Variants in NOS1 observed in about 807,000 individuals in gnomAD.
NOS1 encodes the protein NOS type I.
Under a neutral mutation model 164.5 loss-of-function variants are expected in NOS1, and 51 were observed. That is an observed-to-expected ratio of 0.31 (90% CI 0.25 to 0.39). The LOEUF (loss-of-function observed/expected upper bound fraction) is 0.39, where lower values mean the gene tolerates loss of function less well. NOS1 is among the 10% of genes least tolerant of loss of function. NOS1 has a pLI of 1.00. For missense variants in NOS1, 1,362 were observed against 1,885.6 expected, an observed-to-expected ratio of 0.72 and a Z score of 5.14; for synonymous variants, 719 against 745.8, an observed-to-expected ratio of 0.96 and a Z score of 0.59.
chr12:117,224,210 A>G (rs2135930033), intron 25 of NOS1, among the ~76,000 whole-genome samples: 1 of 152,266 alleles, frequency 6.6e-6, no homozygotes, highest in East Asian at 1.9e-4. Context: ...TGTCTTGTTC[A>G]CTGCTATGCC....
Position 117,232,101 on chromosome 12 carries a change from C to G in NOS1, c.3266G>C (p.Arg1089Pro). The change falls in exon 22 of 29, where the codon CGC becomes CCC. Residue 1089 changes from arginine to proline, a missense_variant. Around this residue, in one of 4 missense-constraint regions of NOS1, gnomAD observed 737 missense variants for 1,030.3 expected, o/e 0.72. Transcript: ENST00000317775. Reference protein sequence around the residue: ...GVISNWTDELRLPPCTIFQAF... With the variant: ...GVISNWTDELPLPPCTIFQAF... ...CTGGAAGATGGTGCAGGGCGGGAGG[C>G]GGAGCTCGTCTGTCCAGTTACTGAT... 1 of 1,611,954 alleles carries G rather than the reference C, an allele frequency of 6.2e-7. No homozygotes were observed. The highest frequency in any genetic ancestry group is 8.5e-7 in the Non-Finnish European group (1 of 1,179,888).
chr12:117,317,469 CT>C (rs1465786793), intron 2 of NOS1, among the ~76,000 whole-genome samples: 11 of 148,946 alleles, frequency 7.4e-5, no homozygotes, highest in African/African-American at 1.7e-4. Flanking sequence ...AGTAGCACCC[CT>C]ATCCCCAAAA....
chr12:117,268,151 G>C lies in NOS1; in HGVS notation c.1840-7C>G, dbSNP rs762295275. 6.3e-7 allele frequency: 1 copy of C among 1,597,922 alleles called. No individual in the cohort carries two copies. Among genetic ancestry groups the C allele is most frequent in the Admixed American group, 1.7e-5 (1 of 59,996 alleles). Reference sequence around the variant, plus strand: ...TCATCTTCTTGGCCACTTCCTGAAAGAGGAAGGAAACACAGATATACAGGC... The same window carrying C: ...TCATCTTCTTGGCCACTTCCTGAAACAGGAAGGAAACACAGATATACAGGC... On this transcript the variant is annotated splice_polypyrimidine_tract_variant and splice_region_variant and intron_variant, in intron 10 of 28. Transcript: ENST00000317775.
chr12:117,241,680 G>A (rs1212030004), intron 20 of NOS1, among the ~76,000 whole-genome samples: 1 of 152,200 alleles, frequency 6.6e-6, no homozygotes, highest in East Asian at 1.9e-4. Context: ...AGAGAGATGA[G>A]CAGACCTGGT....
At chr12:117,266,678 C>T (rs369163408) in intron 11 of NOS1, among the ~76,000 whole-genome samples, 2 of 151,994 alleles carry the variant, frequency 1.3e-5, no homozygotes. Context: ...GCTGGGATTA[C>T]AGGCACATGC....
At chr12:117,267,651 A>AT (rs1292428683) in intron 11 of NOS1, among the ~76,000 whole-genome samples, 6 of 151,660 alleles carry the variant, frequency 4.0e-5, no homozygotes, top group African/African-American at 1.5e-4. Context: ...CTATAATGCC[A>AT]TTTAGCACAG....
rs1021236441 is a variant in NOS1 at position 117,212,446 on chromosome 12, C to T, written c.*2863G>A. ...CACTCCAGGGAAACCAAAAGAAGCCCTCTCTCCTCCCAAGGAGTTTAACAT... is the reference window on the plus strand; with the variant it reads ...CACTCCAGGGAAACCAAAAGAAGCCTTCTCTCCTCCCAAGGAGTTTAACAT... On this transcript the variant is annotated 3_prime_UTR_variant, in exon 29 of 29. Transcript: ENST00000317775. The T allele has an allele frequency of 1.0e-6, 1 of 985,284 alleles. No homozygotes were observed. The highest frequency in any genetic ancestry group is 1.7e-5 in the African/African-American group (1 of 57,202). 61.0% of individuals were successfully genotyped at this position (985,284 alleles called of 1,614,324 possible).
rs1310057592 is a variant in NOS1 at position 117,339,356 on chromosome 12, G to A, written c.-420-7867C>T. On this transcript the variant is annotated intron_variant, in intron 1 of 28. Coordinates refer to ENST00000317775, the MANE Select transcript of NOS1 (RefSeq NM_000620.5). ...AGGCTCAGCTTAGAGTTACAAGCAC[G>A]AGCATTAATGATTGTTTAAAATGTG... Among the ~76,000 whole-genome samples the A allele has an allele frequency of 3.3e-5, 5 of 152,190 alleles. No homozygotes were observed. The East Asian group carries it at 5.8e-4, about 18-fold the overall frequency.
chr12:117,315,119 T>C (rs1249243287), intron 2 of NOS1, among the ~76,000 whole-genome samples: 1 of 152,232 alleles, frequency 6.6e-6, no homozygotes, highest in Non-Finnish European at 1.5e-5. Flanking sequence ...AAAAAATCCA[T>C]TAAGACTTTG....
chr12:117,258,363 G>A (rs762140941), intron 16 of NOS1, 34 bp downstream of exon 16: 10 of 1,608,850 alleles, frequency 6.2e-6, no homozygotes, highest in Non-Finnish European at 8.5e-6. Flanking sequence ...ACCCTCGGGG[G>A]TGGCGGGTGA....
At chr12:117,326,953 C>A (rs1875283571) in intron 2 of NOS1, among the ~76,000 whole-genome samples, 1 of 152,118 alleles carries the variant, frequency 6.6e-6, no homozygotes, top group South Asian at 2.1e-4. Flanking sequence ...GGGGAAGGAC[C>A]CAGCTCCCAG....
rs540512641 is a variant in NOS1, at chr12:117,211,859, A to G, written c.*3450T>C. ...GTGCGTGGATCATTTGAGGTCAGGA[A>G]TTCAAGACCAGCCTGGCCAACATGG... On this transcript the variant is annotated 3_prime_UTR_variant, in exon 29 of 29. Coordinates refer to ENST00000317775, the MANE Select transcript of NOS1 (RefSeq NM_000620.5). 5.3e-4 allele frequency: 490 copies of G among 924,486 alleles called. 2 individuals carry two copies. In the African/African-American group the frequency reaches 7.8e-3, roughly 15 times the overall value. The allele number at this position is 924,486 out of a possible 1,614,324, so 57.3% of individuals were successfully genotyped here.
chr12:117,322,755 T>TTCCC (rs56894504), intron 2 of NOS1, among the ~76,000 whole-genome samples: 37,588 of 102,590 alleles, frequency 0.37, 7,768 homozygotes, highest in African/African-American at 0.45. Context: ...CCCCACTTCC[T>TTCCC]TCCCTCCTTC....
intron 23 of NOS1, among the ~76,000 whole-genome samples, chr12:117,227,020 C>T (rs2293048): frequency 0.24 from 35,896 of 151,978 alleles, 6,265 homozygotes; most frequent in African/African-American, 0.47. Context: ...AAGGGTGCTT[C>T]TGGTGGCTTG....
chr12:117,335,729 T>TGAGTGAGAGAGAGAGAGAGA (rs1875775864), intron 1 of NOS1, among the ~76,000 whole-genome samples: 1 of 112,540 alleles, frequency 8.9e-6, no homozygotes, highest in Non-Finnish European at 1.8e-5. Flanking sequence ...ACAGACTATA[T>TGAGTGAGAGAGAGAGAGAGA]GAGAGAGAGA....
intron 2 of NOS1, among the ~76,000 whole-genome samples, chr12:117,319,722 T>G (rs1192626695): frequency 6.6e-6 from 1 of 152,196 alleles, no homozygotes; most frequent in Non-Finnish European, 1.5e-5. Flanking sequence ...GGGAAAACTG[T>G]GTGTGGTCCT....
Position 117,280,857 on chromosome 12 carries a change from G to A in NOS1, c.1392C>T (p.Ile464=). The A allele has an allele frequency of 6.2e-7, 1 of 1,614,088 alleles. No homozygotes were observed. The highest frequency in any genetic ancestry group is 8.5e-7 in the Non-Finnish European group (1 of 1,179,990). The part of the protein sequence containing the change: ...ATNKGNLRSA[I]TIFPQRTDGK... ...CGTCTGTCCTCTGGGGGAATATGGT[G>A]ATGGCAGACCTGTGGTGGAGAGAGG... The change falls in exon 8 of 29, where the codon ATC becomes ATT. Residue 464 remains isoleucine (I), a synonymous_variant. Transcript: ENST00000317775.
intron 27 of NOS1, 37 bp downstream of exon 27, chr12:117,220,038 T>C (rs1390132430): frequency 3.2e-6 from 5 of 1,566,006 alleles, no homozygotes; most frequent in East Asian, 2.2e-5. Flanking sequence ...AGAGTGGATG[T>C]AGGAAAAGGG....
chr12:117,263,866 C>T lies in NOS1; in HGVS notation c.2222+23G>A, dbSNP rs868388851. 43 of 1,597,708 alleles carry T rather than the reference C, an allele frequency of 2.7e-5. No homozygotes were observed. The Middle Eastern group carries it at 8.2e-4, about 31-fold the overall frequency. On this transcript the variant is annotated intron_variant, in intron 13 of 28. Coordinates refer to ENST00000317775, the MANE Select transcript of NOS1 (RefSeq NM_000620.5). ...TGAGTTTGTGGGGACATCCACCCCA[C>T]CCGCCCACTGCACGAAACTTACTCT...
Sources: allele counts gnomAD v4.1 joint callset (sites outside exome capture counted in the v4.1 genomes callset), GRCh38; gene constraint gnomAD v4.1.1; regional missense constraint gnomAD v4.1.1; transcripts MANE v1.5; gene names NCBI Gene and HGNC (gene_info 2026-07-23, HGNC 2026-07-21).